ZNF296: variants seen among roughly 807,000 people sequenced by gnomAD.
The protein encoded by ZNF296 is zinc finger protein 296.
Under a neutral mutation model 13.2 loss-of-function variants are expected in ZNF296, and 1 was observed. The observed-to-expected ratio is 0.08, with a 90% CI of 0.03 to 0.36. ZNF296 has a LOEUF of 0.36. ZNF296 is among the 10% of genes least tolerant of loss of function. The pLI, the probability that ZNF296 is intolerant of heterozygous loss-of-function variation, is 0.99. For synonymous variants in ZNF296, 303 were observed against 289.0 expected (o/e 1.05, Z -0.49); for missense variants, 555 against 688.2 (o/e 0.81, Z 2.16).
chr19:45,072,688 A>T (rs968739394), intron 2 of ZNF296, 108 bp from the exon 3 acceptor site: 2 of 1,365,486 alleles, frequency 1.5e-6, no homozygotes, highest in Admixed American at 5.0e-5. Context: ...AACAAGACAC[A>T]CACACCCTGG....
chr19:45,071,824 G>A lies in ZNF296; in HGVS notation c.1205C>T (p.Thr402Met), dbSNP rs747999994. 13 of 1,612,598 alleles carry A rather than the reference G, an allele frequency of 8.1e-6. No homozygotes were observed. The highest frequency in any genetic ancestry group is 1.3e-5 in the African/African-American group (1 of 74,754). The change falls in exon 3 of 3, where the codon ACG becomes ATG. Residue 402 changes from threonine to methionine, a missense_variant. By Grantham distance (81) the Thr-to-Met change is moderately conservative. This residue lies in a region of ZNF296 where 410 missense variants were observed against 548.0 expected (regional missense o/e 0.75). Transcript: ENST00000303809. ...GKHFTNSSNL[T>M]VHRRSHTGER... ...CCCGGTGTGTGAGCGCCGGTGCACC[G>A]TCAGGTTGCTGCTGTTGGTAAAATG...
At position 45,075,829 on chromosome 19, in the gene ZNF296, A is replaced by C; in HGVS notation, c.332T>G (p.Leu111Arg). 6.2e-7 allele frequency: 1 copy of C among 1,614,040 alleles called. No homozygotes were observed. The highest frequency in any genetic ancestry group is 8.5e-7 in the Non-Finnish European group (1 of 1,179,978). ...CTGCAGGCAGCGGCCGCAGGTCAAC[A>C]GATCTGGGTGTTTGTCGGTCCAGGG... ...RQPWTDKHPD[L>R]LTCGRCLQTF... The change falls in exon 2 of 3, where the codon CTG (leucine) becomes CGG (arginine). Residue 111 changes from leucine (L) to arginine (R), a missense_variant. By Grantham distance (102) the Leu-to-Arg change is moderately radical. Around this residue, in one of 3 missense-constraint regions of ZNF296, gnomAD observed 410 missense variants for 548.0 expected, o/e 0.75. Coordinates refer to ENST00000303809, the MANE Select transcript of ZNF296 (RefSeq NM_145288.3).
Position 45,072,120 on chromosome 19 carries a change from A to G in ZNF296, c.909T>C (p.Pro303=). The change falls in exon 3 of 3, where the codon CCT becomes CCC. Residue 303 remains proline (P), a synonymous_variant. Transcript: ENST00000303809. ...DTSQEQASAA[P]PEPAVHAAAP... Reference sequence around the variant, plus strand: ...CAGCAGCATGGACAGCCGGCTCCGGAGGGGCTGCAGAGGCCTGCTCCTGGC... The same window carrying G: ...CAGCAGCATGGACAGCCGGCTCCGGGGGGGCTGCAGAGGCCTGCTCCTGGC... The G allele has an allele frequency of 6.2e-7, 1 of 1,606,894 alleles. No individual in the cohort carries two copies. The highest frequency in any genetic ancestry group is 1.1e-5 in the South Asian group (1 of 90,624).
In ZNF296 at chr19:45,076,151, C is replaced by A. The variant is rs761425770; in HGVS notation, c.223G>T (p.Ala75Ser). 3 of 1,545,178 alleles carry A rather than the reference C, an allele frequency of 1.9e-6. No individual in the cohort carries two copies. Among genetic ancestry groups the A allele is most frequent in the Non-Finnish European group, 1.7e-6 (2 of 1,151,070 alleles). ...CCGAGGGCGAGGAGGGCGGCCCCGG[C>A]GGGCATGGGGCCAGGGGAGTGGTGG... is the stretch of plus-strand genomic sequence containing the variant. ...EPHHSPGPMP[A>S]GAALLALGPR... is the part of the protein sequence containing the mutation. Residue 75 changes from alanine (A) to serine (S), a missense_variant, in exon 1 of 3, where the codon GCC becomes TCC. Physicochemically the swap from Ala to Ser is moderately conservative, Grantham distance 99 (BLOSUM62 1). Coordinates refer to ENST00000303809, the MANE Select transcript of ZNF296 (RefSeq NM_145288.3). The surrounding 1 kb of genome is among the most constrained non-coding windows in gnomAD (Gnocchi z 4.9).
chr19:45,076,026 C>T lies in ZNF296; in HGVS notation c.298+50G>A. 1 of 1,570,608 alleles carries T rather than the reference C, an allele frequency of 6.4e-7. No homozygotes were observed. ...CCCATGCCCAAAGGGAAGGGTCCCA[C>T]CCGAGGGTCAAAGGTAAGGGAGGCT... On this transcript the variant is annotated intron_variant, in intron 1 of 2. Coordinates refer to ENST00000303809, the MANE Select transcript of ZNF296 (RefSeq NM_145288.3). This position sits in a 1 kb window ranked among gnomAD's most constrained non-coding sequence, Gnocchi z 4.9.
In ZNF296 at chr19:45,076,258, T is replaced by C. The variant is rs777997669; in HGVS notation, c.116A>G (p.Asp39Gly). Residue 39 changes from aspartate (D) to glycine (G), a missense_variant, in exon 1 of 3, where the codon GAC (aspartate) becomes GGC (glycine). By Grantham distance (94) the Asp-to-Gly change is moderately conservative (BLOSUM62 -1). Around this residue, in one of 3 missense-constraint regions of ZNF296, gnomAD observed 137 missense variants for 121.9 expected, o/e 1.12. Transcript: ENST00000303809. The surrounding 1 kb of genome is among the most constrained non-coding windows in gnomAD (Gnocchi z 4.9). ...DLVIELKPEP[D>G]AQPQQAPRLG... ...CCTTGGGGCCTGTTGGGGCTGCGCG[T>C]CTGGCTCGGGCTTGAGTTCGATGAC... 3 of 1,501,938 alleles carry C rather than the reference T, an allele frequency of 2.0e-6. No individual in the cohort carries two copies. Among genetic ancestry groups the C allele is most frequent in the Middle Eastern group, 1.8e-4 (1 of 5,670 alleles). 93.0% of individuals were successfully genotyped at this position (1,501,938 alleles called of 1,614,324 possible).
chr19:45,072,448 G>C lies in ZNF296; in HGVS notation c.581C>G (p.Ala194Gly). The C allele has an allele frequency of 6.2e-7, 1 of 1,612,972 alleles. No homozygotes were observed. Among genetic ancestry groups the C allele is most frequent in the Non-Finnish European group, 8.5e-7 (1 of 1,179,860 alleles). Residue 194 changes from alanine (A) to glycine (G), a missense_variant, in exon 3 of 3, where the codon GCC becomes GGC. Physicochemically the swap from Ala to Gly is moderately conservative, Grantham distance 60. Transcript: ENST00000303809. ...IYQTESEAPE[A>G]PLLGLAEVAA... ...CACCTCGGCCAGGCCCAGGAGCGGG[G>C]CCTCCGGGGCCTCTGATTCTGTCTG...
chr19:45,075,985 A>G, intron 1 of ZNF296, 91 bp downstream of exon 1: 3 of 1,573,482 alleles, frequency 1.9e-6, no homozygotes, highest in Non-Finnish European at 2.6e-6. Context: ...CGAAGGAGAT[A>G]AGGCAGGGCG....
At chr19:45,072,618 C>G (rs374988828) in intron 2 of ZNF296, 38 bp from the exon 3 acceptor site, 2 of 1,544,316 alleles carry the variant, frequency 1.3e-6, no homozygotes, top group Non-Finnish European at 1.7e-6. Flanking sequence ...GTGCGGACAG[C>G]TGCCAGCTGG....
Position 45,076,423 on chromosome 19 carries a change from G to A in ZNF296, c.-50C>T. 3.3e-6 allele frequency: 4 copies of A among 1,204,888 alleles called. No individual in the cohort carries two copies. Among genetic ancestry groups the A allele is most frequent in the Non-Finnish European group, 2.1e-6 (2 of 965,136 alleles). The allele number at this position is 1,204,888 out of a possible 1,614,324, so 74.6% of individuals were successfully genotyped here. A position where few individuals can be genotyped will look rare whatever the true frequency, so the allele number is the denominator to read the frequency against. ...GGGCGGGCAGGCAGGCAGGCGGGCG[G>A]GCGGAGGACGCACGAGCGGAGGACG... On this transcript the variant is annotated 5_prime_UTR_variant, in exon 1 of 3. Transcript: ENST00000303809. The surrounding 1 kb of genome is among the most constrained non-coding windows in gnomAD (Gnocchi z 4.9).
At chr19:45,074,725 A>C (rs189621165) in intron 2 of ZNF296, among the ~76,000 whole-genome samples, 2 of 152,152 alleles carry the variant, frequency 1.3e-5, no homozygotes, top group Admixed American at 1.3e-4. Flanking sequence ...CCTCCCTTTC[A>C]AGGGTGGTTG....
In ZNF296 at chr19:45,075,770, C is replaced by T. The variant is rs1470941584; in HGVS notation, c.391G>A (p.Asp131Asn). The T allele has an allele frequency of 1.2e-6, 2 of 1,613,988 alleles. No homozygotes were observed. Among genetic ancestry groups the T allele is most frequent in the African/African-American group, 2.7e-5 (2 of 74,914 alleles). ...AGCTGACAGCCCAGCTTCTTGTGGT[C>T]CATGAAGGCAGTGATGGCCTCCAAC... ...FPLEAITAFM[D>N]HKKLGCQLFR... The change falls in exon 2 of 3, where the codon GAC becomes AAC. Residue 131 changes from aspartate to asparagine, a missense_variant. By Grantham distance (23) the Asp-to-Asn change is conservative. Transcript: ENST00000303809.
intron 2 of ZNF296, among the ~76,000 whole-genome samples, chr19:45,073,492 A>T (rs1456465241): frequency 2.0e-5 from 3 of 148,894 alleles, no homozygotes; most frequent in African/African-American, 7.4e-5. Context: ...TGCCTCAGCC[A>T]CCACGCCACA....
rs781661208 is a variant in ZNF296 at position 45,076,182 on chromosome 19, G to A, written c.192C>T (p.Gly64=). ...KEVSSAGRFG[G]EPHHSPGPMP... is the part of the protein sequence containing the mutation. ...TGGGGCCAGGGGAGTGGTGGGGTTCGCCGCCGAACCGCCCCGCCGAGGACA... is the reference window on the plus strand; with the variant it reads ...TGGGGCCAGGGGAGTGGTGGGGTTCACCGCCGAACCGCCCCGCCGAGGACA... Residue 64 remains glycine (G), a synonymous_variant, in exon 1 of 3, where the codon GGC becomes GGT. Coordinates refer to ENST00000303809, the MANE Select transcript of ZNF296 (RefSeq NM_145288.3). This position sits in a 1 kb window ranked among gnomAD's most constrained non-coding sequence, Gnocchi z 4.9. 4 of 1,505,338 alleles carry A rather than the reference G, an allele frequency of 2.7e-6. No homozygotes were observed. Among genetic ancestry groups the A allele is most frequent in the South Asian group, 2.6e-5 (2 of 75,594 alleles). The allele number at this position is 1,505,338 out of a possible 1,614,324, so 93.2% of individuals were successfully genotyped here.
At position 45,071,759 on chromosome 19, in the gene ZNF296, C is replaced by T. The variant is rs368413069; in HGVS notation, c.1270G>A (p.Ala424Thr). Residue 424 changes from alanine (A) to threonine (T), a missense_variant, in exon 3 of 3, where the codon GCC becomes ACC. By Grantham distance (58) the Ala-to-Thr change is moderately conservative. Around this residue, in one of 3 missense-constraint regions of ZNF296, gnomAD observed 410 missense variants for 548.0 expected, o/e 0.75. Transcript: ENST00000303809. ...YTCEFCNYAC[A>T]QSSKLNRHRR... is the part of the protein sequence containing the mutation. ...TGGCGGTTGAGCTTACTGCTCTGGGCGCAGGCGTAGTTGCAGAACTCACAG... is the reference window on the plus strand; with the variant it reads ...TGGCGGTTGAGCTTACTGCTCTGGGTGCAGGCGTAGTTGCAGAACTCACAG... The T allele has an allele frequency of 1.0e-4, 162 of 1,612,682 alleles. 1 individual carries two copies. In the Middle Eastern group the frequency reaches 1.2e-3, roughly 11 times the overall value.
rs111547453 is a variant in ZNF296 at position 45,075,878 on chromosome 19, G to T, written c.299-16C>A. 6.2e-7 allele frequency: 1 copy of T among 1,613,190 alleles called. No individual in the cohort carries two copies. The highest frequency in any genetic ancestry group is 1.3e-5 in the African/African-American group (1 of 74,914). ...GGCTGGCGGTCTGCAGGGAGGAAGC[G>T]GGTGGTGAGCGTGGGGTGGGGCCAG... On this transcript the variant is annotated splice_polypyrimidine_tract_variant and intron_variant, in intron 1 of 2. Transcript: ENST00000303809.
At chr19:45,075,163 G>T (rs901083771) in intron 2 of ZNF296, among the ~76,000 whole-genome samples, 1 of 152,202 alleles carries the variant, frequency 6.6e-6, no homozygotes, top group Non-Finnish European at 1.5e-5. Context: ...CAAACCAGGG[G>T]ATTCCCAGCA....
At chr19:45,075,471 T>C (rs1049501740) in intron 2 of ZNF296, among the ~76,000 whole-genome samples, 4 of 152,078 alleles carry the variant, frequency 2.6e-5, no homozygotes, top group Non-Finnish European at 4.4e-5. Context: ...GCTAGTCTTC[T>C]GGGGCTGGCC....
chr19:45,071,581 TGA>T lies in ZNF296; in HGVS notation c.*18_*19del. ...GTGTTGGCAGCGGTACCAGGGACAG[TGA>T]GGGGGGCTTTCCTGGGCTCAGGCCT... On this transcript the variant is annotated 3_prime_UTR_variant, in exon 3 of 3. Coordinates refer to ENST00000303809, the MANE Select transcript of ZNF296 (RefSeq NM_145288.3). The T allele has an allele frequency of 6.6e-7, 1 of 1,504,642 alleles. No individual in the cohort carries two copies. The highest frequency in any genetic ancestry group is 8.8e-7 in the Non-Finnish European group (1 of 1,136,012). 93.2% of individuals were successfully genotyped at this position (1,504,642 alleles called of 1,614,324 possible). A position where few individuals can be genotyped will look rare whatever the true frequency, so the allele number is the denominator to read the frequency against.
Sources: gnomAD v4.1 joint callset for allele counts (sites outside exome capture counted in the v4.1 genomes callset) on GRCh38, gnomAD v4.1.1 for gene constraint, gnomAD v4.1.1 regional missense constraint, Gnocchi (gnomAD v3.1) non-coding constraint, MANE v1.5 for transcripts, NCBI Gene and HGNC (gene_info 2026-07-23, HGNC 2026-07-21) for gene names.